The following MAPK4 variants were observed in gnomAD, a reference collection of about 807,000 sequenced individuals.
The protein encoded by MAPK4 is mitogen-activated protein kinase 4.
A neutral mutation model predicts 47.7 loss-of-function variants in MAPK4; 22 were observed. The observed-to-expected ratio is 0.46, with a 90% CI of 0.33 to 0.66. The LOEUF (loss-of-function observed/expected upper bound fraction) is 0.66, where lower values mean the gene tolerates loss of function less well. Among genes scored for constraint, MAPK4 ranks in the 30% least tolerant of loss-of-function variants. The pLI, the probability that MAPK4 is intolerant of heterozygous loss-of-function variation, is 0.02. For synonymous variants in MAPK4, 390 were observed against 365.7 expected (o/e 1.07, Z -0.76); for missense variants, 736 against 831.7 (o/e 0.88, Z 1.42).
intron 1 of MAPK4, among the ~76,000 whole-genome samples, chr18:50,662,066 T>C (rs1376170943): frequency 6.6e-6 from 1 of 152,220 alleles, no homozygotes; most frequent in Non-Finnish European, 1.5e-5. Context: ...TTGACTATCG[T>C]TTTTGCTTCA....
chr18:50,657,696 G>A (rs1264296980), intron 1 of MAPK4, among the ~76,000 whole-genome samples: 2 of 151,600 alleles, frequency 1.3e-5, no homozygotes, highest in Admixed American at 6.6e-5. Context: ...ACTTTCAGAT[G>A]TCACAGCTTG....
At chr18:50,566,242 G>T (rs556181720) in intron 1 of MAPK4, among the ~76,000 whole-genome samples, 1 of 152,202 alleles carries the variant, frequency 6.6e-6, no homozygotes, top group Non-Finnish European at 1.5e-5. Flanking sequence ...TATTTAAACA[G>T]GTCTGATTTG....
At chr18:50,655,803 G>A (rs1437707192) in intron 1 of MAPK4, among the ~76,000 whole-genome samples, 1 of 152,126 alleles carries the variant, frequency 6.6e-6, no homozygotes, top group Non-Finnish European at 1.5e-5. Context: ...ACTCTGGAGG[G>A]ATTTAAAAAA....
intron 1 of MAPK4, among the ~76,000 whole-genome samples, chr18:50,631,204 G>A (rs9947567): frequency 0.34 from 52,364 of 151,894 alleles, 9,309 homozygotes; most frequent in East Asian, 0.48. Flanking sequence ...TTGCATTTTT[G>A]TGCTTTTTTG....
chr18:50,586,580 ATGTGG>A (rs1285946658), intron 1 of MAPK4, among the ~76,000 whole-genome samples: 131 of 152,070 alleles, frequency 8.6e-4, no homozygotes, highest in Non-Finnish European at 1.7e-3. Context: ...TCATCTGCAA[ATGTGG>A]AGTAATAATG....
rs904148205 is a variant in MAPK4, at chr18:50,678,943, G to A, written c.546+14439G>A. Among the ~76,000 whole-genome samples, 8 of 152,066 alleles carry A rather than the reference G, an allele frequency of 5.3e-5. No individual in the cohort carries two copies. The highest frequency in any genetic ancestry group is 3.9e-4 in the Admixed American group (6 of 15,266). On this transcript the variant is annotated intron_variant, in intron 2 of 5. Coordinates refer to ENST00000400384, the MANE Select transcript of MAPK4 (RefSeq NM_002747.4). The surrounding 1 kb of genome is among the most constrained non-coding windows in gnomAD (Gnocchi z 4.2). ...TGGTCATGAAGATTTTTTTTGCAGC[G>A]TCTTCTGCATACAAATACTACCATC...
chr18:50,708,717 T>C (rs551877088), intron 2 of MAPK4, among the ~76,000 whole-genome samples: 24 of 152,262 alleles, frequency 1.6e-4, no homozygotes, highest in Admixed American at 5.2e-4. Context: ...CTGGCAGCCT[T>C]AGAAGTCTCT....
chr18:50,711,358 A>G (rs1430178746), intron 2 of MAPK4, among the ~76,000 whole-genome samples: 1 of 152,208 alleles, frequency 6.6e-6, no homozygotes, highest in African/African-American at 2.4e-5. Flanking sequence ...AAAGGAAACC[A>G]TGTTCATCTG....
intron 2 of MAPK4, among the ~76,000 whole-genome samples, chr18:50,673,134 T>C (rs2144287062): frequency 6.6e-6 from 1 of 152,150 alleles, no homozygotes; most frequent in East Asian, 1.9e-4. Context: ...AAAATTAGCC[T>C]GGTGTGGTGG....
intron 1 of MAPK4, among the ~76,000 whole-genome samples, chr18:50,638,095 G>C (rs1454405411): frequency 6.6e-6 from 1 of 152,146 alleles, no homozygotes; most frequent in East Asian, 1.9e-4. Context: ...TCTCTCCACT[G>C]GTTCTAACTT....
At chr18:50,637,391 C>T (rs1042781268) in intron 1 of MAPK4, among the ~76,000 whole-genome samples, 1 of 152,150 alleles carries the variant, frequency 6.6e-6, no homozygotes, top group Non-Finnish European at 1.5e-5. Flanking sequence ...AGTTCAGCAA[C>T]TTGCCCAAAG....
intron 5 of MAPK4, among the ~76,000 whole-genome samples, chr18:50,727,127 C>G (rs1426180313): frequency 6.6e-6 from 1 of 152,192 alleles, no homozygotes; most frequent in African/African-American, 2.4e-5. Flanking sequence ...CAATTTCTGC[C>G]TAGGCACGTA....
rs1907443810 is a variant in MAPK4 at position 50,664,078 on chromosome 18, C to G, written c.120C>G (p.Ser40Arg). ...VNGLVLSAVD[S>R]RACRKVAVKK... ...GTTTGGTGCTGTCGGCCGTGGACAG[C>G]CGGGCCTGCCGGAAGGTCGCTGTGA... Residue 40 changes from serine to arginine, a missense_variant, in exon 2 of 6, where the codon AGC (serine) becomes AGG (arginine). Around this residue, in one of 3 missense-constraint regions of MAPK4, gnomAD observed 327 missense variants for 395.4 expected, o/e 0.83. Transcript: ENST00000400384. The surrounding 1 kb of genome is among the most constrained non-coding windows in gnomAD (Gnocchi z 6.0). The G allele has an allele frequency of 6.2e-7, 1 of 1,613,774 alleles. No homozygotes were observed. The highest frequency in any genetic ancestry group is 1.1e-5 in the South Asian group (1 of 91,084).
At chr18:50,594,546 G>C (rs1185345756) in intron 1 of MAPK4, among the ~76,000 whole-genome samples, 1 of 152,116 alleles carries the variant, frequency 6.6e-6, no homozygotes, top group Admixed American at 6.5e-5. Context: ...ATATTAATCT[G>C]TAAATAAAAC....
chr18:50,578,475 T>A (rs1382429499), intron 1 of MAPK4, among the ~76,000 whole-genome samples: 1 of 152,210 alleles, frequency 6.6e-6, no homozygotes, highest in African/African-American at 2.4e-5. Flanking sequence ...GTCTGGGGAC[T>A]ACCATTTGAG....
At chr18:50,566,459 A>C (rs141246278) in intron 1 of MAPK4, among the ~76,000 whole-genome samples, 1 of 152,332 alleles carries the variant, frequency 6.6e-6, no homozygotes, top group Non-Finnish European at 1.5e-5. Context: ...AGGAGCCAGG[A>C]GCTCACCCCA....
chr18:50,684,358 A>T (rs139553526), intron 2 of MAPK4, among the ~76,000 whole-genome samples: 423 of 152,190 alleles, frequency 2.8e-3, no homozygotes, highest in African/African-American at 9.2e-3. Flanking sequence ...CAGCCGCAGA[A>T]ACATCGCAAG....
At chr18:50,704,248 G>T (rs967340349) in intron 2 of MAPK4, among the ~76,000 whole-genome samples, 2 of 152,176 alleles carry the variant, frequency 1.3e-5, no homozygotes, top group African/African-American at 4.8e-5. Context: ...GGTGTCTTAT[G>T]CCTGTAATCC....
intron 1 of MAPK4, among the ~76,000 whole-genome samples, chr18:50,648,357 G>A (rs1184745678): frequency 6.6e-6 from 1 of 152,172 alleles, no homozygotes; most frequent in Admixed American, 6.5e-5. Flanking sequence ...AGCCTCTGGA[G>A]AGTGGGGAAG....
Sources: allele counts gnomAD v4.1 joint callset (sites outside exome capture counted in the v4.1 genomes callset), GRCh38; gene constraint gnomAD v4.1.1; regional missense constraint gnomAD v4.1.1; non-coding constraint Gnocchi (gnomAD v3.1); transcripts MANE v1.5; gene names NCBI Gene and HGNC (gene_info 2026-07-23, HGNC 2026-07-21).